PHACTR2: variants seen among roughly 807,000 people sequenced by gnomAD.
The protein encoded by PHACTR2 is phosphatase and actin regulator 2.
PHACTR2 carries 30 observed loss-of-function variants against 76.0 expected under a neutral mutation model. That is an observed-to-expected ratio of 0.39 (90% CI 0.30 to 0.54). PHACTR2 has a LOEUF of 0.54. Ranked by LOEUF, PHACTR2 falls within the 20% of genes least tolerant of loss-of-function variation. The probability of loss-of-function intolerance (pLI) is 0.61; values close to 1 mark genes in which losing one functional copy is unlikely to be tolerated. For synonymous variants in PHACTR2, 292 were observed against 292.5 expected, an observed-to-expected ratio of 1.00 and a Z score of 0.02; for missense variants, 696 against 781.1, an observed-to-expected ratio of 0.89 and a Z score of 1.30.
At chr6:143,798,354 T>A (rs1235991953) in intron 11 of PHACTR2, among the ~76,000 whole-genome samples, 1 of 152,216 alleles carries the variant, frequency 6.6e-6, no homozygotes. Flanking sequence ...ACAAAGATAA[T>A]TGGACTTCCT....
chr6:143,701,820 A>C (rs530148186), intron 1 of PHACTR2, among the ~76,000 whole-genome samples: 1 of 152,354 alleles, frequency 6.6e-6, no homozygotes, highest in African/African-American at 2.4e-5. Context: ...TAGCATAATA[A>C]AATATCAAGT....
At position 143,710,617 on chromosome 6, in the gene PHACTR2, A is replaced by T. The variant is rs1378548995; in HGVS notation, c.47-1399A>T. Among the ~76,000 whole-genome samples, 1 of 152,148 alleles carries T rather than the reference A, an allele frequency of 6.6e-6. No individual in the cohort carries two copies. Among genetic ancestry groups the T allele is most frequent in the African/African-American group, 2.4e-5 (1 of 41,440 alleles). ...GAGGCTGAGGCAGGAGAATTGCTTG[A>T]ACCAAGGAGGCGGTGGTTGCAGTGA... On this transcript the variant is annotated intron_variant, in intron 1 of 12. Coordinates refer to ENST00000440869, the MANE Select transcript of PHACTR2 (RefSeq NM_001100164.2). This position sits in a 1 kb window ranked among gnomAD's most constrained non-coding sequence, Gnocchi z 4.9.
chr6:143,735,392 G>A (rs1778792892), intron 2 of PHACTR2, among the ~76,000 whole-genome samples: 1 of 152,108 alleles, frequency 6.6e-6, no homozygotes. Context: ...TTTCATTTCA[G>A]CATTTATAGA....
At chr6:143,721,657 C>G (rs9403526) in intron 2 of PHACTR2, among the ~76,000 whole-genome samples, 2,684 of 145,260 alleles carry the variant, frequency 0.018, 81 homozygotes, top group African/African-American at 0.065. Context: ...GTGTGTGTGT[C>G]TGTGTGTGTG....
rs917598842 is a variant in PHACTR2, at chr6:143,631,481, A to G, written c.13+23159A>G. 2.6e-5 allele frequency among the ~76,000 whole-genome samples: 4 copies of G among 152,144 alleles called. No homozygotes were observed. In the East Asian group the frequency reaches 7.7e-4, roughly 29 times the overall value. On this transcript the variant is annotated intron_variant, in intron 1 of 11. Transcript: ENST00000305766. ...AGTGTTGGGATTAGACGCCTGAGCCACTGAGCCTGGCCAGGCAAGCTTTTT... is the reference window on the plus strand; with the variant it reads ...AGTGTTGGGATTAGACGCCTGAGCCGCTGAGCCTGGCCAGGCAAGCTTTTT...
chr6:143,564,699 A>G (rs140181260), intron 1 of PHACTR2, among the ~76,000 whole-genome samples: 396 of 152,238 alleles, frequency 2.6e-3, no homozygotes, highest in Non-Finnish European at 4.2e-3. Context: ...TGCCTGGTAA[A>G]TGCCACTGGC....
Position 143,829,776 on chromosome 6 carries a change from T to C in PHACTR2, c.*6087T>C, listed in dbSNP as rs1171077991. ...AAACATTAAAGTTTCTAAATTGTTT[T>C]TGGGGCCGAGTAACGCAGAGTCAAT... On this transcript the variant is annotated 3_prime_UTR_variant, in exon 13 of 13. Coordinates refer to ENST00000440869, the MANE Select transcript of PHACTR2 (RefSeq NM_001100164.2). 2 of 152,238 alleles carry C rather than the reference T, an allele frequency of 1.3e-5. No individual in the cohort carries two copies. Among genetic ancestry groups the C allele is most frequent in the Non-Finnish European group, 2.9e-5 (2 of 68,040 alleles). The allele number at this position is 152,238 out of a possible 1,614,324, so 9.4% of individuals were successfully genotyped here. A position where few individuals can be genotyped will look rare whatever the true frequency, so the allele number is the denominator to read the frequency against.
At chr6:143,758,196 T>TA (rs1272933606) in intron 4 of PHACTR2, among the ~76,000 whole-genome samples, 10 of 152,228 alleles carry the variant, frequency 6.6e-5, no homozygotes, top group Admixed American at 6.5e-4. Flanking sequence ...CTTTCCGGTA[T>TA]ACCTTTAGAA....
intron 1 of PHACTR2, among the ~76,000 whole-genome samples, chr6:143,691,068 A>G (rs1000993276): frequency 3.9e-5 from 6 of 152,346 alleles, no homozygotes; most frequent in African/African-American, 1.4e-4. Context: ...CAGCAAAATC[A>G]AAGTCTTTTG....
chr6:143,771,204 A>ATG (rs1775121117), intron 6 of PHACTR2, among the ~76,000 whole-genome samples: 1 of 74,518 alleles, frequency 1.3e-5, no homozygotes, highest in African/African-American at 7.6e-5. Context: ...GTATATATAT[A>ATG]TATATATATA....
rs1279970809 is a variant in PHACTR2, at chr6:143,755,568, ATG to A, written c.454+1658_454+1659del. On this transcript the variant is annotated intron_variant, in intron 4 of 12. Transcript: ENST00000440869. The surrounding 1 kb of genome is among the most constrained non-coding windows in gnomAD (Gnocchi z 5.2). ...TTATGGGTCCATGAATAGTTGAGAG[ATG>A]TTTTTCTTTGCTTAGAATTAGTACA... 6 of 306,964 alleles carry A rather than the reference ATG, an allele frequency of 2.0e-5. No individual in the cohort carries two copies. Among genetic ancestry groups the A allele is most frequent in the African/African-American group, 1.1e-4 (5 of 45,968 alleles). 19.0% of individuals were successfully genotyped at this position (306,964 alleles called of 1,614,324 possible).
At position 143,757,989 on chromosome 6, in the gene PHACTR2, A is replaced by G. The variant is rs1054438366; in HGVS notation, c.455-2412A>G. 4.6e-4 allele frequency among the ~76,000 whole-genome samples: 65 copies of G among 141,560 alleles called. No homozygotes were observed. The highest frequency in any genetic ancestry group is 2.0e-3 in the African/African-American group (63 of 31,596). The allele number at this position is 141,560 out of a possible 152,430, so 92.9% of individuals were successfully genotyped here. ...CACACACACACACACACACACACACATAACTTAAGAATTACCAGAATGACA... is the reference window on the plus strand; with the variant it reads ...CACACACACACACACACACACACACGTAACTTAAGAATTACCAGAATGACA... On this transcript the variant is annotated intron_variant, in intron 4 of 12. Transcript: ENST00000440869. The surrounding 1 kb of genome is among the most constrained non-coding windows in gnomAD (Gnocchi z 4.2).
chr6:143,719,451 G>A (rs1778390148), intron 2 of PHACTR2, among the ~76,000 whole-genome samples: 1 of 145,612 alleles, frequency 6.9e-6, no homozygotes, highest in Admixed American at 7.1e-5. Flanking sequence ...CCAGGTTCAA[G>A]CAATTCTCCT....
rs1473889610 is a variant in PHACTR2, at chr6:143,777,479, C to T, written c.1645+96C>T. The T allele has an allele frequency of 3.7e-6, 2 of 546,502 alleles. No individual in the cohort carries two copies. Among genetic ancestry groups the T allele is most frequent in the Non-Finnish European group, 3.2e-6 (1 of 313,312 alleles). The allele number at this position is 546,502 out of a possible 1,614,324, so 33.9% of individuals were successfully genotyped here. On this transcript the variant is annotated intron_variant, in intron 9 of 12. Transcript: ENST00000440869. This position sits in a 1 kb window ranked among gnomAD's most constrained non-coding sequence, Gnocchi z 4.6. ...TATCAGTAAGAAACCATCATATATT[C>T]ATTTACTCAAGATGGACTGAAATAG... is the stretch of plus-strand genomic sequence containing the variant.
At chr6:143,668,443 G>T (rs973115909) in intron 1 of PHACTR2, among the ~76,000 whole-genome samples, 15 of 152,170 alleles carry the variant, frequency 9.9e-5, no homozygotes, top group Admixed American at 3.9e-4. Context: ...AATTTCATAA[G>T]GAATGGTACC....
intron 1 of PHACTR2, among the ~76,000 whole-genome samples, chr6:143,584,242 A>G (rs771260285): frequency 6.6e-6 from 1 of 152,200 alleles, no homozygotes; most frequent in African/African-American, 2.4e-5. Context: ...GAGGCCCGTC[A>G]TGGACTGGGA....
At chr6:143,636,766 G>A (rs12211324) in intron 1 of PHACTR2, among the ~76,000 whole-genome samples, 120,942 of 152,176 alleles carry the variant, frequency 0.79, 48,509 homozygotes, top group Middle Eastern at 0.88. Flanking sequence ...TCATTATGAA[G>A]TTTGCTTCTT....
chr6:143,804,803 C>G (rs942227175), intron 11 of PHACTR2, among the ~76,000 whole-genome samples: 2 of 152,188 alleles, frequency 1.3e-5, no homozygotes, highest in Admixed American at 6.5e-5. Context: ...TTATCTTCTT[C>G]CATTCCAGTG....
At chr6:143,572,743 C>T (rs148165551) in intron 1 of PHACTR2, among the ~76,000 whole-genome samples, 153 of 152,034 alleles carry the variant, frequency 1.0e-3, no homozygotes, top group African/African-American at 3.4e-3. Flanking sequence ...GGTAGAGACA[C>T]GGTTTCACCA....
Sources: allele counts gnomAD v4.1 joint callset (sites outside exome capture counted in the v4.1 genomes callset), GRCh38; gene constraint gnomAD v4.1.1; non-coding constraint Gnocchi (gnomAD v3.1); transcripts MANE v1.5; gene names NCBI Gene and HGNC (gene_info 2026-07-23, HGNC 2026-07-21).